Variants in PKHD1 observed in about 807,000 individuals in gnomAD.
PKHD1 encodes the protein PKHD1 ciliary IPT domain containing fibrocystin/polyductin, also known as fibrocystin.
PKHD1 carries 291 observed loss-of-function variants against 412.0 expected under a neutral mutation model. The ratio of observed to expected loss-of-function variants is 0.71; its 90% CI spans 0.64 to 0.78. The LOEUF (loss-of-function observed/expected upper bound fraction) is 0.78, where lower values mean the gene tolerates loss of function less well. PKHD1 is among the 30% of genes least tolerant of loss of function. PKHD1 has a pLI of 0.00. For synonymous variants in PKHD1, 1,777 were observed against 1,821.5 expected (o/e 0.98, Z 0.62); for missense variants, 4,825 against 4,950.7 (o/e 0.97, Z 0.76).
intron 2 of PKHD1, among the ~76,000 whole-genome samples, chr6:52,083,757 A>G (rs1812370378): frequency 6.6e-6 from 1 of 152,036 alleles, no homozygotes; most frequent in Non-Finnish European, 1.5e-5. Flanking sequence ...GCTGTTTTGC[A>G]TTCCTTTTAA....
intron 52 of PKHD1, among the ~76,000 whole-genome samples, chr6:51,820,561 T>A (rs1233020520): frequency 6.6e-6 from 1 of 152,200 alleles, no homozygotes; most frequent in African/African-American, 2.4e-5. Flanking sequence ...ACCATAACAA[T>A]ATAACTGATT....
intron 36 of PKHD1, among the ~76,000 whole-genome samples, chr6:51,936,791 ACT>A (rs1324883948): frequency 2.7e-5 from 2 of 74,576 alleles, no homozygotes; most frequent in Admixed American, 3.0e-4. Context: ...GACAAAATAG[ACT>A]CTGTAGCAAT....
rs1180180841 is a variant in PKHD1, at chr6:51,775,924, G to A, written c.8441-3C>T. On this transcript the variant is annotated splice_region_variant and splice_polypyrimidine_tract_variant and intron_variant, in intron 53 of 66. Coordinates refer to ENST00000371117, the MANE Select transcript of PKHD1 (RefSeq NM_138694.4). ...TTCTAAGGGATTTTCTAAAGTACCTGTTTACAAAGAAAAGTATATCATTCA... is the reference window on the plus strand; with the variant it reads ...TTCTAAGGGATTTTCTAAAGTACCTATTTACAAAGAAAAGTATATCATTCA... 3 of 1,321,366 alleles carry A rather than the reference G, an allele frequency of 2.3e-6. No homozygotes were observed. Among genetic ancestry groups the A allele is most frequent in the African/African-American group, 2.9e-5 (2 of 69,146 alleles). 81.9% of individuals were successfully genotyped at this position (1,321,366 alleles called of 1,614,324 possible). A position where few individuals can be genotyped will look rare whatever the true frequency, so the allele number is the denominator to read the frequency against.
intron 35 of PKHD1, among the ~76,000 whole-genome samples, chr6:51,991,352 C>G (rs573172881): frequency 2.0e-5 from 3 of 152,166 alleles, no homozygotes; most frequent in Non-Finnish European, 4.4e-5. Flanking sequence ...AGATGCCTCA[C>G]GCCTTCTAGA....
Position 51,906,563 on chromosome 6 carries a change from A to T in PKHD1, c.6683-223T>A, listed in dbSNP as rs186280297. Among the ~76,000 whole-genome samples the T allele has an allele frequency of 2.0e-5, 3 of 152,258 alleles. No homozygotes were observed. The South Asian group carries it at 6.2e-4, about 32-fold the overall frequency. ...ATTCAACAATCAAGTGTTAGAAAAA[A>T]AAAAACAATCTGAGAAAGACAAAGT... On this transcript the variant is annotated intron_variant, in intron 40 of 66. Transcript: ENST00000371117.
At chr6:52,010,537 G>C in intron 34 of PKHD1, 78 bp from the exon 35 acceptor site, 1 of 1,248,950 alleles carries the variant, frequency 8.0e-7, no homozygotes, top group South Asian at 1.2e-5. Flanking sequence ...ATTAATCATT[G>C]CAAGCCATTA....
intron 63 of PKHD1, among the ~76,000 whole-genome samples, chr6:51,645,989 T>G (rs540385319): frequency 6.6e-6 from 1 of 152,322 alleles, no homozygotes; most frequent in South Asian, 2.1e-4. Flanking sequence ...TTTAATCCAT[T>G]TGAATTCTTG....
chr6:51,672,160 T>A (rs1775104474), intron 60 of PKHD1, among the ~76,000 whole-genome samples: 1 of 152,162 alleles, frequency 6.6e-6, no homozygotes, highest in South Asian at 2.1e-4. Flanking sequence ...TGACCTAGGG[T>A]CTGGCTTCTG....
intron 22 of PKHD1, 58 bp downstream of exon 22, chr6:52,050,099 C>T (rs1581954600): frequency 6.3e-7 from 1 of 1,576,584 alleles, no homozygotes; most frequent in Non-Finnish European, 8.7e-7. Flanking sequence ...ACCTGTGTCC[C>T]TCAAGGCCAA....
At chr6:51,962,366 T>C (rs1266388258) in intron 35 of PKHD1, among the ~76,000 whole-genome samples, 1 of 152,164 alleles carries the variant, frequency 6.6e-6, no homozygotes, top group Non-Finnish European at 1.5e-5. Flanking sequence ...CATTAATTAA[T>C]TTGAGAACAT....
At chr6:51,651,891 A>G (rs186761524) in intron 61 of PKHD1, among the ~76,000 whole-genome samples, 37 of 152,242 alleles carry the variant, frequency 2.4e-4, no homozygotes, top group African/African-American at 8.9e-4. Context: ...GCCTTGTTAG[A>G]CAGTTGTAAG....
intron 52 of PKHD1, among the ~76,000 whole-genome samples, chr6:51,812,014 T>C (rs193081176): frequency 6.6e-6 from 1 of 152,292 alleles, no homozygotes; most frequent in Non-Finnish European, 1.5e-5. Flanking sequence ...TAATTAGATG[T>C]CTAAGACAAG....
At chr6:51,926,081 A>T (rs1187825794) in intron 37 of PKHD1, among the ~76,000 whole-genome samples, 13 of 152,192 alleles carry the variant, frequency 8.5e-5, no homozygotes, top group African/African-American at 2.4e-4. Context: ...TACATAATAC[A>T]TTAAATAATG....
intron 25 of PKHD1, among the ~76,000 whole-genome samples, chr6:52,044,540 T>G (rs981143500): frequency 6.6e-6 from 1 of 152,196 alleles, no homozygotes; most frequent in Admixed American, 6.5e-5. Flanking sequence ...ATATTATTCT[T>G]TATTGTTTTT....
chr6:52,073,386 C>G lies in PKHD1; in HGVS notation c.527+77G>C, dbSNP rs1201933711. On this transcript the variant is annotated intron_variant, in intron 7 of 66. Transcript: ENST00000371117. ...TGTGCCAACTGCTTACAATTTATTGCCATCAGGGAAGCTGGTCCCAGGAAG... is the reference window on the plus strand; with the variant it reads ...TGTGCCAACTGCTTACAATTTATTGGCATCAGGGAAGCTGGTCCCAGGAAG... 5 of 889,636 alleles carry G rather than the reference C, an allele frequency of 5.6e-6. No individual in the cohort carries two copies. In the African/African-American group the frequency reaches 8.2e-5, roughly 15 times the overall value. 55.1% of individuals were successfully genotyped at this position (889,636 alleles called of 1,614,324 possible).
chr6:51,761,091 T>C (rs1415621224), intron 55 of PKHD1, among the ~76,000 whole-genome samples: 4 of 152,044 alleles, frequency 2.6e-5, no homozygotes, highest in Non-Finnish European at 4.4e-5. Flanking sequence ...ATTCCAAGGA[T>C]ATGAAATCAG....
Position 51,959,856 on chromosome 6 carries a change from C to T in PKHD1, c.5908+14G>A, listed in dbSNP as rs1791733205. 6.2e-7 allele frequency: 1 copy of T among 1,610,454 alleles called. No individual in the cohort carries two copies. The highest frequency in any genetic ancestry group is 1.3e-5 in the African/African-American group (1 of 74,786). On this transcript the variant is annotated intron_variant, in intron 36 of 66. Transcript: ENST00000371117. ...CATATAGAATAATATTACCAACCTA[C>T]AAACTTCACACACCTTTAATGTGCA...
At chr6:51,975,978 A>C (rs1191393690) in intron 35 of PKHD1, 2 of 150,904 alleles carry the variant, frequency 1.3e-5, no homozygotes, top group African/African-American at 2.4e-5. Context: ...AAAAAAAAAA[A>C]AAAAAAAAAA....
chr6:51,866,897 A>AT (rs767001580), intron 48 of PKHD1, among the ~76,000 whole-genome samples: 14 of 152,172 alleles, frequency 9.2e-5, no homozygotes, highest in Non-Finnish European at 1.9e-4. Context: ...AATTGGGCTC[A>AT]TTAACGTCAG....
Sources: allele counts gnomAD v4.1 joint callset (sites outside exome capture counted in the v4.1 genomes callset), GRCh38; gene constraint gnomAD v4.1.1; transcripts MANE v1.5; gene names NCBI Gene and HGNC (gene_info 2026-07-23, HGNC 2026-07-21).